Variants in DST observed in about 807,000 individuals in gnomAD.
DST encodes dystonin.
A neutral mutation model predicts 875.2 loss-of-function variants in DST; 253 were observed. That is an observed-to-expected ratio of 0.29 (90% CI 0.26 to 0.32). The LOEUF (loss-of-function observed/expected upper bound fraction) is 0.32. Among genes scored for constraint, DST ranks in the 10% least tolerant of loss-of-function variants. The pLI, the probability that DST is intolerant of heterozygous loss-of-function variation, is 1.00. For missense variants in DST, 8,287 were observed against 9,111.6 expected (o/e 0.91, Z 3.68); for synonymous variants, 3,124 against 3,197.1 (o/e 0.98, Z 0.77).
intron 62 of DST, among the ~76,000 whole-genome samples, chr6:56,536,254 T>C (rs2096996867): frequency 6.6e-6 from 1 of 152,194 alleles, no homozygotes; most frequent in African/African-American, 2.4e-5. Flanking sequence ...ATCTTACAAG[T>C]AATTGAGGGC....
chr6:56,651,965 A>G (rs1177021169), intron 10 of DST, among the ~76,000 whole-genome samples: 2 of 152,254 alleles, frequency 1.3e-5, no homozygotes, highest in Non-Finnish European at 2.9e-5. Flanking sequence ...GTAATAAAGA[A>G]TGATATATAG....
chr6:56,653,117 A>C (rs2098985383), intron 10 of DST, among the ~76,000 whole-genome samples: 3 of 152,250 alleles, frequency 2.0e-5, no homozygotes, highest in African/African-American at 7.2e-5. Context: ...ATTAGCAAAG[A>C]AAGTAAACAC....
At chr6:56,609,904 T>C (rs2098530346) in intron 39 of DST, among the ~76,000 whole-genome samples, 1 of 152,192 alleles carries the variant, frequency 6.6e-6, no homozygotes, top group African/African-American at 2.4e-5. Context: ...TTGAATATTA[T>C]GTTAGGCCTG....
chr6:56,766,154 A>G (rs1230598147), intron 4 of DST, among the ~76,000 whole-genome samples: 1 of 152,354 alleles, frequency 6.6e-6, no homozygotes, highest in East Asian at 1.9e-4. Flanking sequence ...GAAAGCTTAC[A>G]TGCCTGAGAC....
Position 56,871,435 on chromosome 6 carries a change from G to A in DST, c.418-19831C>T, listed in dbSNP as rs370478339. The A allele has an allele frequency of 1.9e-4, 299 of 1,596,624 alleles. 13 individuals are homozygous for A. The East Asian group carries it at 2.7e-3, about 15-fold the overall frequency. Reference sequence around the variant, plus strand: ...AAGCAGTGAGGCCGGACACAAGGTCGGTGGCCCAAAAAGAGTGCTGAATTT... The same window carrying A: ...AAGCAGTGAGGCCGGACACAAGGTCAGTGGCCCAAAAAGAGTGCTGAATTT... On this transcript the variant is annotated intron_variant, in intron 3 of 103. Coordinates refer to ENST00000680361, the MANE Select transcript of DST (RefSeq NM_001374736.1).
intron 80 of DST, among the ~76,000 whole-genome samples, chr6:56,499,037 T>A (rs1219838811): frequency 6.6e-6 from 1 of 152,190 alleles, no homozygotes; most frequent in East Asian, 1.9e-4. Flanking sequence ...TTTCTTTTAC[T>A]GAATGAGTAT....
At chr6:56,600,894 A>G (rs537939124) in intron 44 of DST, among the ~76,000 whole-genome samples, 2 of 152,204 alleles carry the variant, frequency 1.3e-5, no homozygotes, top group East Asian at 3.9e-4. Context: ...CATGCTAGGC[A>G]AGGTACTAAA....
chr6:56,471,918 G>T, intron 94 of DST, 141 bp downstream of exon 94: 1 of 859,856 alleles, frequency 1.2e-6, no homozygotes, highest in South Asian at 1.4e-5. Flanking sequence ...ATTTATTTTG[G>T]AAATTTAAAA....
intron 3 of DST, among the ~76,000 whole-genome samples, chr6:56,892,169 G>A (rs1787879936): frequency 6.6e-6 from 1 of 152,172 alleles, no homozygotes. Context: ...GCTTAAACCA[G>A]TGGTTGTCTG....
chr6:56,653,188 A>G (rs1264960314), intron 10 of DST, among the ~76,000 whole-genome samples: 2 of 152,244 alleles, frequency 1.3e-5, no homozygotes, highest in African/African-American at 4.8e-5. Flanking sequence ...AGCTAAGAGA[A>G]TAAAACATAA....
chr6:56,929,186 T>C (rs1808822651), intron 2 of DST, among the ~76,000 whole-genome samples: 1 of 152,126 alleles, frequency 6.6e-6, no homozygotes, highest in Non-Finnish European at 1.5e-5. Context: ...AATCAAAATA[T>C]GTAAATATTT....
chr6:56,519,933 T>C (rs2096664800), intron 69 of DST, among the ~76,000 whole-genome samples: 1 of 152,224 alleles, frequency 6.6e-6, no homozygotes, highest in South Asian at 2.1e-4. Flanking sequence ...ACAATGATTT[T>C]AAAGCAGCCA....
intron 2 of DST, among the ~76,000 whole-genome samples, chr6:56,915,227 G>A (rs1231565761): frequency 6.6e-6 from 1 of 152,260 alleles, no homozygotes; most frequent in East Asian, 1.9e-4. Context: ...AAAGAGTCAC[G>A]GTTTAAAAAT....
intron 4 of DST, among the ~76,000 whole-genome samples, chr6:56,744,378 C>CA (rs35008377): frequency 0.23 from 30,428 of 132,552 alleles, 3,712 homozygotes; most frequent in African/African-American, 0.36. Flanking sequence ...GGCTGTATCT[C>CA]AAAAAAAAAA....
At chr6:56,702,517 A>G (rs1260910112) in intron 7 of DST, among the ~76,000 whole-genome samples, 1 of 152,194 alleles carries the variant, frequency 6.6e-6, no homozygotes, top group African/African-American at 2.4e-5. Flanking sequence ...TGATAGAGAA[A>G]GAGAGAAAAC....
rs540202861 is a variant in DST, at chr6:56,517,089, T to A, written c.18357+109A>T. 30 of 783,650 alleles carry A rather than the reference T, an allele frequency of 3.8e-5. No homozygotes were observed. In the African/African-American group the frequency reaches 4.7e-4, roughly 12 times the overall value. The allele number at this position is 783,650 out of a possible 1,614,324, so 48.5% of individuals were successfully genotyped here. ...CCTTATTTAAACTAATTATTTTTGC[T>A]GCTTAAATGGCAGCTGTGGATAACG... On this transcript the variant is annotated intron_variant, in intron 71 of 103. Coordinates refer to ENST00000680361, the MANE Select transcript of DST (RefSeq NM_001374736.1).
chr6:56,489,426 A>G, intron 86 of DST, 64 bp downstream of exon 86: 2 of 1,472,456 alleles, frequency 1.4e-6, no homozygotes. Flanking sequence ...TGATGAAGTA[A>G]GGATTTTAAA....
Position 56,492,364 on chromosome 6 carries a change from T to C in DST, c.20620A>G (p.Lys6874Glu). 1 of 1,613,874 alleles carries C rather than the reference T, an allele frequency of 6.2e-7. No individual in the cohort carries two copies. The highest frequency in any genetic ancestry group is 8.5e-7 in the Non-Finnish European group (1 of 1,179,830). ...ACATCTTGTTTCTGACTAAAATATT[T>C]TAGGTGGGTTCCAGTTTTGTCCAGC... ...IELDKTGTHL[K>E]YFSQKQDVVL... The change falls in exon 85 of 104, where the codon AAA becomes GAA. Residue 6874 changes from lysine (K) to glutamate (E), a missense_variant. Lys to Glu is a moderately conservative substitution (Grantham distance 56, BLOSUM62 1). Transcript: ENST00000680361.
rs751176092 is a variant in DST, at chr6:56,639,528, A to C, written c.2781T>G (p.Asn927Lys). ...AAGCAACTTCCTCCTCTTCTTTTTC[A>C]TTCAACCAAATAAGTTCATTAGTCG... Reference protein sequence around the residue: ...SRATNELIWLNEKEEEEVAYD... With the variant: ...SRATNELIWLKEKEEEEVAYD... Residue 927 changes from asparagine to lysine, a missense_variant, in exon 21 of 104, where the codon AAT becomes AAG. Physicochemically the swap from Asn to Lys is moderately conservative, Grantham distance 94. This residue lies in a region of DST where 1,160 missense variants were observed against 1,424.3 expected (regional missense o/e 0.81). Transcript: ENST00000680361. The C allele has an allele frequency of 6.2e-7, 1 of 1,613,704 alleles. No individual in the cohort carries two copies. The highest frequency in any genetic ancestry group is 8.5e-7 in the Non-Finnish European group (1 of 1,179,884).
Sources: allele counts gnomAD v4.1 joint callset (sites outside exome capture counted in the v4.1 genomes callset), GRCh38; gene constraint gnomAD v4.1.1; regional missense constraint gnomAD v4.1.1; transcripts MANE v1.5; gene names NCBI Gene and HGNC (gene_info 2026-07-23, HGNC 2026-07-21).